The following EXD1 variants were observed in gnomAD, a reference collection of about 807,000 sequenced individuals.
EXD1 encodes exonuclease 3'-5' domain containing 1, also known as piRNA biogenesis protein EXD1.
EXD1 carries 63 observed loss-of-function variants against 49.1 expected under a neutral mutation model. That is an observed-to-expected ratio of 1.28 (90% CI 1.05 to 1.58). EXD1 has a LOEUF of 1.58. Among genes scored for constraint, EXD1 ranks in the 40% most tolerant of loss-of-function variants. EXD1 has a pLI of 0.00. For missense variants in EXD1, 748 were observed against 666.0 expected (o/e 1.12, Z -1.36); for synonymous variants, 234 against 239.2 (o/e 0.98, Z 0.20).
At chr15:41,226,292 T>C (rs1327119330) in intron 2 of EXD1, 151 bp downstream of exon 2, 9 of 757,640 alleles carry the variant, frequency 1.2e-5, no homozygotes, top group Non-Finnish European at 1.9e-5. Flanking sequence ...TTCAGTCACA[T>C]TGTTCTGTTT....
chr15:41,183,966 C>A lies in EXD1; in HGVS notation c.1684G>T (p.Asp562Tyr). 6.2e-7 allele frequency: 1 copy of A among 1,607,032 alleles called. No homozygotes were observed. The highest frequency in any genetic ancestry group is 8.5e-7 in the Non-Finnish European group (1 of 1,176,486). The change falls in exon 12 of 12, where the codon GAT becomes TAT. Residue 562 changes from aspartate to tyrosine, a missense_variant. Coordinates refer to ENST00000458580, the MANE Select transcript of EXD1 (RefSeq NM_001286441.2). ...LPPCPALEKI[D>Y]SWISPFLNLP ...TTTAGAAAAGGACTTATCCAGGAAT[C>A]GATCTTCTCCAAGGCTGGACAGGGA...
chr15:41,204,095 A>C (rs1253364832), intron 7 of EXD1, among the ~76,000 whole-genome samples: 1 of 151,110 alleles, frequency 6.6e-6, no homozygotes, highest in African/African-American at 2.4e-5. Flanking sequence ...AAATACAAAA[A>C]AAATTAGCCA....
chr15:41,195,914 A>T lies in EXD1; in HGVS notation c.639+19T>A. On this transcript the variant is annotated intron_variant, in intron 8 of 11. Coordinates refer to ENST00000458580, the MANE Select transcript of EXD1 (RefSeq NM_001286441.2). ...TGGCTGCTAATCTTAATAGCACAGG[A>T]ATCAGTTTATATACTTACCTTCAAA... 5.6e-6 allele frequency: 9 copies of T among 1,610,294 alleles called. No homozygotes were observed. The highest frequency in any genetic ancestry group is 7.6e-6 in the Non-Finnish European group (9 of 1,178,188).
intron 3 of EXD1, among the ~76,000 whole-genome samples, chr15:41,219,076 C>A (rs545735673): frequency 6.6e-6 from 1 of 152,290 alleles, no homozygotes; most frequent in South Asian, 2.1e-4. Context: ...AGGGCAGAAG[C>A]AGAAACCTCC....
intron 7 of EXD1, among the ~76,000 whole-genome samples, chr15:41,203,524 G>C (rs1307621977): frequency 1.3e-5 from 2 of 152,066 alleles, no homozygotes; most frequent in Non-Finnish European, 2.9e-5. Flanking sequence ...GCTGTCTCTT[G>C]GTCCCATTAT....
intron 11 of EXD1, among the ~76,000 whole-genome samples, chr15:41,185,336 T>TTTTTG (rs138866634): frequency 0.12 from 18,868 of 151,772 alleles, 1,368 homozygotes; most frequent in South Asian, 0.26. Context: ...TTTGGGAAGT[T>TTTTTG]TTTTGTTTTG....
At chr15:41,199,841 TATATA>T (rs1326097356) in intron 7 of EXD1, among the ~76,000 whole-genome samples, 4 of 142,730 alleles carry the variant, frequency 2.8e-5, no homozygotes, top group Admixed American at 7.4e-5. Flanking sequence ...ATATATGATA[TATATA>T]ATATGTCATA....
At chr15:41,193,073 C>A (rs1484469615) in intron 9 of EXD1, among the ~76,000 whole-genome samples, 1 of 151,974 alleles carries the variant, frequency 6.6e-6, no homozygotes, top group Non-Finnish European at 1.5e-5. Flanking sequence ...TGTGAGCCAC[C>A]GCGCCCGGCC....
rs2047011750 is a variant in EXD1, at chr15:41,217,126, G to T, written c.231C>A (p.Gly77=). The T allele has an allele frequency of 1.9e-6, 3 of 1,612,268 alleles. No individual in the cohort carries two copies. In the East Asian group the frequency reaches 6.7e-5, roughly 36 times the overall value. ...CAGAAGATGCTTTTGCTCTCACTGA[G>T]CCTTGTTCCACTTCATCTAGTAGTT... ...NVELLDEVEQ[G]SVRAKASSVS... is the part of the protein sequence containing the mutation. Residue 77 remains glycine (G), a synonymous_variant, in exon 4 of 12, where the codon GGC becomes GGA. Coordinates refer to ENST00000458580, the MANE Select transcript of EXD1 (RefSeq NM_001286441.2).
Position 41,183,859 on chromosome 15 carries a change from G to T in EXD1, c.*72C>A. On this transcript the variant is annotated 3_prime_UTR_variant, in exon 12 of 12. Coordinates refer to ENST00000458580, the MANE Select transcript of EXD1 (RefSeq NM_001286441.2). Reference sequence around the variant, plus strand: ...ACTACATTTACAACATGAGAAACCTGGGCACTGTGGAAAGCCCTGATGGCA... The same window carrying T: ...ACTACATTTACAACATGAGAAACCTTGGCACTGTGGAAAGCCCTGATGGCA... The T allele has an allele frequency of 7.0e-7, 1 of 1,429,766 alleles. No individual in the cohort carries two copies. The highest frequency in any genetic ancestry group is 2.3e-5 in the Admixed American group (1 of 42,834). 88.6% of individuals were successfully genotyped at this position (1,429,766 alleles called of 1,614,324 possible). A position where few individuals can be genotyped will look rare whatever the true frequency, so the allele number is the denominator to read the frequency against.
intron 3 of EXD1, 96 bp from the exon 4 acceptor site, chr15:41,217,250 A>G: frequency 1.0e-6 from 1 of 986,626 alleles, no homozygotes; most frequent in Admixed American, 2.3e-5. Context: ...CATGTACTGC[A>G]AACAATAATT....
chr15:41,183,940 A>G lies in EXD1; in HGVS notation c.1710T>C (p.Asn570=). 6.3e-7 allele frequency: 1 copy of G among 1,592,424 alleles called. No individual in the cohort carries two copies. Among genetic ancestry groups the G allele is most frequent in the Non-Finnish European group, 8.6e-7 (1 of 1,169,428 alleles). The change falls in exon 12 of 12, where the codon AAT becomes AAC. Residue 570 remains asparagine (N), a synonymous_variant. Coordinates refer to ENST00000458580, the MANE Select transcript of EXD1 (RefSeq NM_001286441.2). Reference sequence around the variant, plus strand: ...AACAAACTGCCCATCTCTAGGGCAGATTTAGAAAAGGACTTATCCAGGAAT... The same window carrying G: ...AACAAACTGCCCATCTCTAGGGCAGGTTTAGAAAAGGACTTATCCAGGAAT... The part of the protein sequence containing the change: ...KIDSWISPFL[N]LP
Position 41,195,994 on chromosome 15 carries a change from AGAAG to A in EXD1, c.574_577del (p.Leu192TrpfsTer12), listed in dbSNP as rs749439385. The A allele has an allele frequency of 6.2e-7, 1 of 1,613,534 alleles. No homozygotes were observed. The highest frequency in any genetic ancestry group is 2.2e-5 in the East Asian group (1 of 44,876). ...TCCATTGTGGAAAGCTCGACTTCCC[AGAAG>A]GAAAATGTCAAATAAGTAAACTCGG... On this transcript the variant is annotated frameshift_variant, in exon 8 of 12. Coordinates refer to ENST00000458580, the MANE Select transcript of EXD1 (RefSeq NM_001286441.2). LOFTEE classifies it high-confidence loss of function.
At chr15:41,230,411 C>T in intron 1 of EXD1, 68 bp downstream of exon 1, 1 of 1,514,680 alleles carries the variant, frequency 6.6e-7, no homozygotes, top group Non-Finnish European at 9.2e-7. Context: ...AAACAATACA[C>T]CATGAGAATA....
At chr15:41,205,882 T>C (rs2046815156) in intron 7 of EXD1, among the ~76,000 whole-genome samples, 1 of 147,874 alleles carries the variant, frequency 6.8e-6, no homozygotes, top group African/African-American at 2.5e-5. Flanking sequence ...ATTTGGTCTT[T>C]TTTTTTTTTT....
Position 41,189,962 on chromosome 15 carries a change from G to T in EXD1, c.1031C>A (p.Ser344Tyr). 2 of 1,614,068 alleles carry T rather than the reference G, an allele frequency of 1.2e-6. No individual in the cohort carries two copies. Among genetic ancestry groups the T allele is most frequent in the Non-Finnish European group, 1.7e-6 (2 of 1,180,006 alleles). ...DGYLNTYREG[S>Y]ADRLGGTEPT... ...CTCAGTGCCTCCAAGCCGGTCTGCA[G>T]ACCCTTCGCGATACGTGTTTAGGTA... is the stretch of plus-strand genomic sequence containing the variant. The change falls in exon 11 of 12, where the codon TCT becomes TAT. Residue 344 changes from serine (S) to tyrosine (Y), a missense_variant. By Grantham distance (144) the Ser-to-Tyr change is moderately radical (BLOSUM62 -2). Coordinates refer to ENST00000458580, the MANE Select transcript of EXD1 (RefSeq NM_001286441.2).
At chr15:41,196,605 C>T (rs1414157783) in intron 7 of EXD1, among the ~76,000 whole-genome samples, 2 of 151,486 alleles carry the variant, frequency 1.3e-5, no homozygotes, top group Admixed American at 6.6e-5. Flanking sequence ...TGTGAGCGTC[C>T]ATGTCCAGTG....
chr15:41,215,823 C>T lies in EXD1; in HGVS notation c.399G>A (p.Glu133=). 6.2e-7 allele frequency: 1 copy of T among 1,613,928 alleles called. No homozygotes were observed. Among genetic ancestry groups the T allele is most frequent in the South Asian group, 1.1e-5 (1 of 91,080 alleles). Residue 133 remains glutamate, a synonymous_variant, in exon 6 of 12, where the codon GAG becomes GAA. Transcript: ENST00000458580. ...DLKYSPSEEE[E]VTYTVINQFQ... ...ATTGATTAATGACTGTGTATGTCACCTCCTCTTCCTCTACAAGACAAGGAT... is the reference window on the plus strand; with the variant it reads ...ATTGATTAATGACTGTGTATGTCACTTCCTCTTCCTCTACAAGACAAGGAT...
At chr15:41,221,473 T>C (rs988405190) in intron 2 of EXD1, among the ~76,000 whole-genome samples, 1 of 151,810 alleles carries the variant, frequency 6.6e-6, no homozygotes, top group Non-Finnish European at 1.5e-5. Flanking sequence ...TGGGTCTCAC[T>C]ATGTTGCCCA....
Sources: gnomAD v4.1 joint callset for allele counts (sites outside exome capture counted in the v4.1 genomes callset) on GRCh38, gnomAD v4.1.1 for gene constraint, MANE v1.5 for transcripts, NCBI Gene and HGNC (gene_info 2026-07-23, HGNC 2026-07-21) for gene names.